The following SUCO variants were observed in gnomAD, a reference collection of about 807,000 sequenced individuals.
SUCO encodes the protein SUN domain containing ossification factor.
A neutral mutation model predicts 148.1 loss-of-function variants in SUCO; 57 were observed. That is an observed-to-expected ratio of 0.38 (90% CI 0.31 to 0.48). The LOEUF (loss-of-function observed/expected upper bound fraction) is 0.48. Ranked by LOEUF, SUCO falls within the 20% of genes least tolerant of loss-of-function variation. SUCO has a pLI of 0.96. For synonymous variants in SUCO, 470 were observed against 502.7 expected (o/e 0.93, Z 0.87); for missense variants, 1,331 against 1,468.2 (o/e 0.91, Z 1.53).
intron 6 of SUCO, among the ~76,000 whole-genome samples, chr1:172,568,702 A>G (rs569830970): frequency 1.4e-4 from 22 of 152,248 alleles, no homozygotes; most frequent in African/African-American, 4.6e-4. Context: ...CAAGTATACA[A>G]TTTATTCATT....
In SUCO at chr1:172,562,541, A is replaced by G. The variant is rs371929505; in HGVS notation, c.732+4747A>G. 1.4e-4 allele frequency among the ~76,000 whole-genome samples: 22 copies of G among 152,254 alleles called. No individual in the cohort carries two copies. The East Asian group carries it at 1.9e-3, about 13-fold the overall frequency. ...GAGATGGGGTTTCACCATGTTGGCCATGGCCAGGATGGTCTTGATCTCTTG... is the reference window on the plus strand; with the variant it reads ...GAGATGGGGTTTCACCATGTTGGCCGTGGCCAGGATGGTCTTGATCTCTTG... On this transcript the variant is annotated intron_variant, in intron 6 of 23. Transcript: ENST00000263688.
At chr1:172,567,816 A>G in intron 6 of SUCO, among the ~76,000 whole-genome samples, 1 of 152,180 alleles carries the variant, frequency 6.6e-6, no homozygotes, top group East Asian at 1.9e-4. Flanking sequence ...GGCTCAACAG[A>G]TATTTCACAC....
At chr1:172,590,870 G>A in intron 18 of SUCO, 114 bp from the exon 19 acceptor site, 1 of 703,092 alleles carries the variant, frequency 1.4e-6, no homozygotes, top group Non-Finnish European at 2.4e-6. Context: ...CTGAATAAGA[G>A]TCACTTTCAG....
chr1:172,533,257 G>T lies in SUCO; in HGVS notation c.-179G>T, dbSNP rs964518817. 3 of 1,548,700 alleles carry T rather than the reference G, an allele frequency of 1.9e-6. No homozygotes were observed. Among genetic ancestry groups the T allele is most frequent in the Admixed American group, 2.0e-5 (1 of 50,958 alleles). On this transcript the variant is annotated 5_prime_UTR_variant, in exon 1 of 24. Coordinates refer to ENST00000263688, the MANE Select transcript of SUCO (RefSeq NM_014283.5). ...GCGCCCCTGTCCGCGCCTCTGTGGG[G>T]CCCTCAGAGAGGGCTGCCAGGACGC... is the stretch of plus-strand genomic sequence containing the variant.
At chr1:172,535,821 T>C (rs560297081) in intron 1 of SUCO, among the ~76,000 whole-genome samples, 1 of 152,364 alleles carries the variant, frequency 6.6e-6, no homozygotes, top group Non-Finnish European at 1.5e-5. Flanking sequence ...GTGTTATGTT[T>C]ACTATCATAA....
At chr1:172,594,919 G>A (rs937186148) in intron 19 of SUCO, among the ~76,000 whole-genome samples, 28 of 152,186 alleles carry the variant, frequency 1.8e-4, no homozygotes, top group African/African-American at 6.0e-4. Flanking sequence ...GAGTCTCATT[G>A]TACATTGTAG....
chr1:172,606,831 A>G (rs1006558816), intron 22 of SUCO, among the ~76,000 whole-genome samples: 5 of 151,820 alleles, frequency 3.3e-5, no homozygotes, highest in Non-Finnish European at 5.9e-5. Flanking sequence ...CTCATATTTA[A>G]TTAAACATAT....
At position 172,533,349 on chromosome 1, in the gene SUCO, C is replaced by T. The variant is rs1344370898; in HGVS notation, c.-87C>T. On this transcript the variant is annotated 5_prime_UTR_variant, in exon 1 of 24. Transcript: ENST00000263688. ...GACTATCGGTCACATTCTCGCGCTC[C>T]TGCTCCGGCTCCTCCATCTTGGCCT... is the stretch of plus-strand genomic sequence containing the variant. 6.4e-7 allele frequency: 1 copy of T among 1,551,698 alleles called. No homozygotes were observed. Among genetic ancestry groups the T allele is most frequent in the South Asian group, 1.2e-5 (1 of 84,072 alleles).
intron 1 of SUCO, among the ~76,000 whole-genome samples, chr1:172,541,249 A>G (rs1320128702): frequency 6.6e-6 from 1 of 152,170 alleles, no homozygotes; most frequent in Non-Finnish European, 1.5e-5. Context: ...AATCACCTCT[A>G]GATATTTTAA....
intron 18 of SUCO, chr1:172,590,345 A>G (rs1656561893): frequency 4.1e-6 from 4 of 985,192 alleles, no homozygotes. Context: ...ACAGAGATGG[A>G]CTGAACTGGA....
At chr1:172,537,785 A>C (rs1652132580) in intron 1 of SUCO, among the ~76,000 whole-genome samples, 1 of 152,194 alleles carries the variant, frequency 6.6e-6, no homozygotes, top group Non-Finnish European at 1.5e-5. Flanking sequence ...ACATTTGGCA[A>C]ATATAACAGG....
chr1:172,570,195 T>G, intron 8 of SUCO, 24 bp downstream of exon 8: 1 of 1,479,796 alleles, frequency 6.8e-7, no homozygotes, highest in Non-Finnish European at 9.2e-7. Flanking sequence ...TATAAAATTT[T>G]GTATATATAG....
At chr1:172,597,294 C>T (rs1558211153) in intron 19 of SUCO, among the ~76,000 whole-genome samples, 1 of 152,232 alleles carries the variant, frequency 6.6e-6, no homozygotes, top group Non-Finnish European at 1.5e-5. Flanking sequence ...ACCCACTGTC[C>T]AACAAGCCCC....
At chr1:172,533,133 CGGCG>C (rs1300400419), upstream of SUCO, 5 of 1,439,938 alleles carry the variant, frequency 3.5e-6, no homozygotes, top group Non-Finnish European at 4.5e-6. Flanking sequence ...GCAAGGCCCC[CGGCG>C]GGCGGGGAGG....
At chr1:172,563,890 G>A (rs912448878) in intron 6 of SUCO, among the ~76,000 whole-genome samples, 1 of 152,244 alleles carries the variant, frequency 6.6e-6, no homozygotes, top group Non-Finnish European at 1.5e-5. Flanking sequence ...CAGTCCCCGG[G>A]TCCTGCTGCT....
intron 6 of SUCO, among the ~76,000 whole-genome samples, chr1:172,560,774 C>T (rs6686080): frequency 0.6 from 90,905 of 152,120 alleles, 27,681 homozygotes; most frequent in African/African-American, 0.7. Flanking sequence ...TTTTAACTAT[C>T]CAGAATTAAA....
At position 172,533,448 on chromosome 1, in the gene SUCO, C is replaced by A; in HGVS notation, c.13C>A (p.Arg5=). The A allele has an allele frequency of 6.4e-7, 1 of 1,564,722 alleles. No individual in the cohort carries two copies. The highest frequency in any genetic ancestry group is 8.7e-7 in the Non-Finnish European group (1 of 1,154,346). ...GAAGGAGGAGAAGATGAAGAAGCAC[C>A]GGCGGGCCTTGGCCCTGGTCTCCTG... MKKH[R]RALALVSCLF... Residue 5 remains arginine, a synonymous_variant, in exon 1 of 24, where the codon CGG becomes AGG. Coordinates refer to ENST00000263688, the MANE Select transcript of SUCO (RefSeq NM_014283.5).
At chr1:172,569,206 T>G (rs1005968244) in intron 7 of SUCO, 64 bp downstream of exon 7, 4 of 1,283,274 alleles carry the variant, frequency 3.1e-6, no homozygotes, top group Non-Finnish European at 4.2e-6. Context: ...TAATATGCTT[T>G]CTTTTTTTGA....
At chr1:172,574,050 GA>G (rs1558192977) in intron 10 of SUCO, 52 bp downstream of exon 10, 1 of 1,144,328 alleles carries the variant, frequency 8.7e-7, no homozygotes, top group African/African-American at 1.6e-5. Flanking sequence ...CTGAAAAAAA[GA>G]AAAACAAAAA....
Sources: gnomAD v4.1 joint callset for allele counts (sites outside exome capture counted in the v4.1 genomes callset) on GRCh38, gnomAD v4.1.1 for gene constraint, MANE v1.5 for transcripts, NCBI Gene and HGNC (gene_info 2026-07-23, HGNC 2026-07-21) for gene names.